Variants in HMGN5 observed in about 807,000 individuals in gnomAD.
HMGN5 encodes high mobility group nucleosome binding domain 5.
Under a neutral mutation model 9.5 loss-of-function variants are expected in HMGN5, and 4 were observed. The ratio of observed to expected loss-of-function variants is 0.42; its 90% confidence interval spans 0.21 to 0.96. The LOEUF is 0.96. Among genes scored for constraint, HMGN5 ranks in the 40% least tolerant of loss-of-function variants. The pLI is 0.30. For synonymous variants in HMGN5, 55 were observed against 57.1 expected (o/e 0.96, Z 0.16); for missense variants, 192 against 187.5 (o/e 1.02, Z -0.14).
chrX:81,185,113 C>A (rs1005631055), intron 1 of HMGN5, among the ~76,000 whole-genome samples: 3 of 111,616 alleles, frequency 2.7e-5, no homozygotes, highest in African/African-American at 9.8e-5. Context: ...TCTGGGTTTA[C>A]TGTGGTTCCA....
intron 1 of HMGN5, chrX:81,195,066 A>T (rs1452505314): frequency 9.0e-6 from 1 of 111,422 alleles, no homozygotes; most frequent in African/African-American, 3.3e-5. Flanking sequence ...GGACAGAACT[A>T]ATAAGATAGG....
At chrX:81,156,289 G>A (rs2075382703) in intron 1 of HMGN5, among the ~76,000 whole-genome samples, 1 of 112,158 alleles carries the variant, frequency 8.9e-6, no homozygotes, top group Admixed American at 9.5e-5. Flanking sequence ...CTAAATCAAG[G>A]TAGGCCAAGG....
intron 1 of HMGN5, among the ~76,000 whole-genome samples, chrX:81,149,016 T>C (rs1411721481): frequency 6.3e-5 from 7 of 111,818 alleles, no homozygotes; most frequent in African/African-American, 2.3e-4. Context: ...AGGAACACTT[T>C]TACACTGTTG....
intron 1 of HMGN5, among the ~76,000 whole-genome samples, chrX:81,195,551 G>A (rs2075505710): frequency 9.0e-6 from 1 of 111,382 alleles, no homozygotes; most frequent in Non-Finnish European, 1.9e-5. Context: ...CCATCACAGA[G>A]GGTTAGAGTG....
intron 1 of HMGN5, among the ~76,000 whole-genome samples, chrX:81,137,669 A>G (rs1223081245): frequency 3.6e-5 from 4 of 111,812 alleles, no homozygotes; most frequent in African/African-American, 1.3e-4. Context: ...ACAAACACAA[A>G]GCATGCAGAA....
At chrX:81,118,806 A>T in intron 3 of HMGN5, 47 bp from the exon 4 acceptor site, 1 of 924,135 alleles carries the variant, frequency 1.1e-6, no homozygotes. Context: ...TGGATACAAA[A>T]AGCTAGAATT....
intron 1 of HMGN5, among the ~76,000 whole-genome samples, chrX:81,173,254 T>G (rs913395391): frequency 2.7e-5 from 3 of 110,649 alleles, no homozygotes; most frequent in African/African-American, 9.8e-5. Context: ...GGATACAGAG[T>G]TCAGTGAAAA....
At chrX:81,150,818 G>T (rs1382398547) in intron 1 of HMGN5, among the ~76,000 whole-genome samples, 1 of 111,195 alleles carries the variant, frequency 9.0e-6, no homozygotes, top group Non-Finnish European at 1.9e-5. Flanking sequence ...AAATTCGAAG[G>T]ATCATTAGTA....
At chrX:81,121,769 G>A (rs1373896499) in intron 1 of HMGN5, 97 bp from the exon 2 acceptor site, 1 of 329,048 alleles carries the variant, frequency 3.0e-6, no homozygotes, top group Non-Finnish European at 5.3e-6. Context: ...AGCCACATTG[G>A]AGTGACAGGC....
At chrX:81,149,486 G>A (rs1459769760) in intron 1 of HMGN5, among the ~76,000 whole-genome samples, 1 of 111,692 alleles carries the variant, frequency 9.0e-6, no homozygotes, top group Non-Finnish European at 1.9e-5. Context: ...GGGAGCGCTA[G>A]GGAAGGGATA....
intron 1 of HMGN5, among the ~76,000 whole-genome samples, chrX:81,190,301 G>T (rs1034486562): frequency 9.0e-6 from 1 of 111,368 alleles, no homozygotes; most frequent in African/African-American, 3.3e-5. Flanking sequence ...TTTGGTAACA[G>T]ATTTATTAAA....
intron 1 of HMGN5, among the ~76,000 whole-genome samples, chrX:81,139,744 AAGG>A (rs1447680952): frequency 1.8e-5 from 2 of 111,897 alleles, no homozygotes; most frequent in Admixed American, 1.9e-4. Context: ...TTATAGCAGA[AAGG>A]AGAACTGAAC....
chrX:81,121,194 T>C (rs969623743), intron 2 of HMGN5, among the ~76,000 whole-genome samples: 29 of 108,380 alleles, frequency 2.7e-4, no homozygotes, highest in Admixed American at 2.0e-3. Flanking sequence ...TGAAGTATGG[T>C]TGGGAGAAGT....
rs1346671458 is a variant in HMGN5 at position 81,121,623 on chromosome X, G to C, written c.-74C>G. 5 of 779,706 alleles carry C rather than the reference G, an allele frequency of 6.4e-6. No homozygotes were observed. The African/African-American group carries it at 8.7e-5, about 14-fold the overall frequency. The allele number at this position is 779,706 out of a possible 1,213,427, so 64.3% of individuals were successfully genotyped here. A position where few individuals can be genotyped will look rare whatever the true frequency, so the allele number is the denominator to read the frequency against. On this transcript the variant is annotated 5_prime_UTR_variant, in exon 2 of 7. Transcript: ENST00000358130. Reference sequence around the variant, plus strand: ...GGCAGTCACTGCCTGACTGCTCCAAGAGCAAATGAGTTTTCAATGAACTAA... The same window carrying C: ...GGCAGTCACTGCCTGACTGCTCCAACAGCAAATGAGTTTTCAATGAACTAA...
intron 1 of HMGN5, among the ~76,000 whole-genome samples, chrX:81,165,312 A>C (rs1406481600): frequency 9.0e-6 from 1 of 110,601 alleles, no homozygotes; most frequent in Non-Finnish European, 1.9e-5. Context: ...CAAACTCATG[A>C]TATTTAAAAT....
chrX:81,114,802 T>A lies in HMGN5; in HGVS notation c.696A>T (p.Glu232Asp). ...EGKDVKVKEDEKEREDGKEDE... is the reference protein window; with the variant it reads ...EGKDVKVKEDDKEREDGKEDE... ...CTTCTTTTCCATCTTCTCTCTCTTT[T>A]TCATCTTCTTTGACTTTTACATCTT... The change falls in exon 7 of 7, where the codon GAA becomes GAT. Residue 232 changes from glutamate to aspartate, a missense_variant. Physicochemically the swap from Glu to Asp is conservative, Grantham distance 45. Transcript: ENST00000358130. The A allele has an allele frequency of 8.6e-7, 1 of 1,163,079 alleles. No homozygotes were observed. Among genetic ancestry groups the A allele is most frequent in the South Asian group, 1.9e-5 (1 of 51,525 alleles).
chrX:81,191,520 G>A (rs929281991), intron 1 of HMGN5, among the ~76,000 whole-genome samples: 3 of 111,861 alleles, frequency 2.7e-5, no homozygotes, highest in Admixed American at 9.5e-5. Context: ...CTATTGAGAT[G>A]ATCATGTGAT....
intron 1 of HMGN5, among the ~76,000 whole-genome samples, chrX:81,181,610 C>T (rs917311818): frequency 6.2e-5 from 7 of 112,014 alleles, no homozygotes; most frequent in Admixed American, 3.8e-4. Flanking sequence ...CTACCCTTCC[C>T]AGCATCTGGT....
At chrX:81,161,432 C>A (rs1302536393) in intron 1 of HMGN5, among the ~76,000 whole-genome samples, 1 of 111,182 alleles carries the variant, frequency 9.0e-6, no homozygotes. Context: ...CTGTTATGTT[C>A]TTTCCAAATT....
Sources: gnomAD v4.1 joint callset for allele counts (sites outside exome capture counted in the v4.1 genomes callset) on GRCh38, gnomAD v4.1.1 for gene constraint, MANE v1.5 for transcripts, NCBI Gene and HGNC (gene_info 2026-07-23, HGNC 2026-07-21) for gene names.